PCDH15: variants seen among roughly 807,000 people sequenced by gnomAD.
PCDH15 encodes protocadherin-15.
PCDH15 carries 129 observed loss-of-function variants against 178.5 expected under a neutral mutation model. The ratio of observed to expected loss-of-function variants is 0.72; its 90% CI spans 0.63 to 0.84. The LOEUF is 0.84. Among genes scored for constraint, PCDH15 ranks in the 40% least tolerant of loss-of-function variants. The pLI is 0.00. For synonymous variants in PCDH15, 800 were observed against 732.0 expected, an observed-to-expected ratio of 1.09 and a Z score of -1.50; for missense variants, 2,230 against 2,099.9, an observed-to-expected ratio of 1.06 and a Z score of -1.21.
At chr10:55,066,335 T>C (rs978116553) in intron 2 of PCDH15, among the ~76,000 whole-genome samples, 3 of 151,074 alleles carry the variant, frequency 2.0e-5, no homozygotes, top group Non-Finnish European at 4.4e-5. Flanking sequence ...ACTGTTCTCT[T>C]GGGATTGATT....
At chr10:54,909,457 G>A (rs144822209) in intron 2 of PCDH15, among the ~76,000 whole-genome samples, 12 of 152,258 alleles carry the variant, frequency 7.9e-5, no homozygotes, top group African/African-American at 2.2e-4. Flanking sequence ...GCACTGCCTC[G>A]AGCATGTGCA....
At chr10:55,315,568 T>C (rs903612367) in intron 1 of PCDH15, among the ~76,000 whole-genome samples, 4 of 152,236 alleles carry the variant, frequency 2.6e-5, no homozygotes, top group Admixed American at 6.5e-5. Context: ...GTCTTGGTCA[T>C]ACTTTTTATT....
intron 3 of PCDH15, among the ~76,000 whole-genome samples, chr10:54,382,734 G>A (rs1415240528): frequency 6.6e-6 from 1 of 152,082 alleles, no homozygotes. Context: ...CAGATGAAAT[G>A]GTAGCCCTGA....
intron 1 of PCDH15, among the ~76,000 whole-genome samples, chr10:55,273,941 CAT>C (rs1842517507): frequency 7.0e-6 from 1 of 142,956 alleles, no homozygotes; most frequent in South Asian, 2.2e-4. Flanking sequence ...CACACACACA[CAT>C]AAATACAAGG....
At chr10:54,562,032 C>T (rs1168028675) in intron 2 of PCDH15, among the ~76,000 whole-genome samples, 1 of 132,510 alleles carries the variant, frequency 7.5e-6, no homozygotes, top group Non-Finnish European at 1.5e-5. Context: ...CCTCTATTGC[C>T]CAGGCTGGAA....
intron 20 of PCDH15, among the ~76,000 whole-genome samples, chr10:54,009,536 A>G (rs2092502665): frequency 6.6e-6 from 1 of 152,152 alleles, no homozygotes; most frequent in South Asian, 2.1e-4. Context: ...AACTAGAGGG[A>G]GCTGGTGTGT....
At chr10:55,252,798 T>A (rs915597415) in intron 1 of PCDH15, among the ~76,000 whole-genome samples, 2 of 152,024 alleles carry the variant, frequency 1.3e-5, no homozygotes, top group Non-Finnish European at 2.9e-5. Flanking sequence ...CTCAAAGGAA[T>A]GAACACACAC....
chr10:55,520,047 T>C (rs890329063), intron 2 of PCDH15, among the ~76,000 whole-genome samples: 2 of 145,182 alleles, frequency 1.4e-5, no homozygotes, highest in East Asian at 4.0e-4. Flanking sequence ...TATATATACA[T>C]ATATATATAT....
intron 2 of PCDH15, among the ~76,000 whole-genome samples, chr10:55,083,160 A>T (rs948690660): frequency 3.3e-5 from 5 of 151,760 alleles, no homozygotes; most frequent in African/African-American, 1.2e-4. Context: ...AAAAAAAAAC[A>T]CTAGCAAACA....
intron 1 of PCDH15, among the ~76,000 whole-genome samples, chr10:54,720,359 A>T (rs11004488): frequency 6.6e-6 from 1 of 152,024 alleles, no homozygotes; most frequent in Admixed American, 6.6e-5. Context: ...GCATATAGTC[A>T]TCAGAATTTT....
At chr10:54,251,816 A>G (rs977712275) in intron 8 of PCDH15, among the ~76,000 whole-genome samples, 1 of 152,004 alleles carries the variant, frequency 6.6e-6, no homozygotes, top group Middle Eastern at 3.2e-3. Context: ...TCTTCAGTTT[A>G]ATTATTTCAT....
Position 55,422,528 on chromosome 10 carries a change from G to A in PCDH15, c.-156+205097C>T, listed in dbSNP as rs1442265713. Among the ~76,000 whole-genome samples the A allele has an allele frequency of 9.2e-5, 14 of 151,968 alleles. No individual in the cohort carries two copies. The East Asian group carries it at 2.3e-3, about 25-fold the overall frequency. On this transcript the variant is annotated intron_variant, in intron 2 of 5. Coordinates refer to the PCDH15 transcript ENST00000613346. ...CTGGGATATAAATTGTAGGTTAAAT[G>A]TAATGACCTTCCTCTAACCTGCAGA...
intron 2 of PCDH15, among the ~76,000 whole-genome samples, chr10:55,095,500 A>G (rs1842427599): frequency 6.6e-6 from 1 of 152,008 alleles, no homozygotes; most frequent in Admixed American, 6.6e-5. Context: ...CTCAAATACA[A>G]CTAAAATCTT....
At chr10:55,544,360 T>A (rs1275055606) in intron 2 of PCDH15, among the ~76,000 whole-genome samples, 1 of 151,444 alleles carries the variant, frequency 6.6e-6, no homozygotes, top group African/African-American at 2.4e-5. Context: ...TAACACTGAA[T>A]GAGTACTGGA....
intron 8 of PCDH15, among the ~76,000 whole-genome samples, 169 bp from the exon 9 acceptor site, chr10:54,237,100 G>A (rs915171844): frequency 7.2e-5 from 11 of 152,094 alleles, no homozygotes; most frequent in Admixed American, 5.9e-4. Context: ...TGTTAAGGGG[G>A]AGCAAAGTAT....
intron 1 of PCDH15, among the ~76,000 whole-genome samples, chr10:55,225,498 A>G (rs1265691817): frequency 6.6e-6 from 1 of 152,076 alleles, no homozygotes; most frequent in Non-Finnish European, 1.5e-5. Flanking sequence ...AAAAACCATG[A>G]CATTTTGCTG....
rs146586670 is a variant in PCDH15, at chr10:54,075,630, A to G, written c.2091+3701T>C. 9.3e-3 allele frequency among the ~76,000 whole-genome samples: 1,408 copies of G among 152,102 alleles called. 20 individuals carry two copies. Among genetic ancestry groups the G allele is most frequent in the African/African-American group, 0.033 (1,365 of 41,486 alleles). On this transcript the variant is annotated intron_variant, in intron 17 of 37. Coordinates refer to ENST00000644397, the MANE Select transcript of PCDH15 (RefSeq NM_001384140.1). ...ATGTTTTCTTCTAAGAGTTCTATAG[A>G]CTCAGTTTTCATTTTAGGTCATGAA... is the stretch of plus-strand genomic sequence containing the variant.
At position 55,337,729 on chromosome 10, in the gene PCDH15, T is replaced by C. The variant is rs935719427; in HGVS notation, c.-155-171078A>G. Among the ~76,000 whole-genome samples the C allele has an allele frequency of 2.0e-5, 3 of 152,212 alleles. 1 individual carries two copies. The highest frequency in any genetic ancestry group is 2.1e-4 in the South Asian group (1 of 4,832). Reference sequence around the variant, plus strand: ...GTTGTAGGACATGACCTTTTCAACATTTATCAATGAGATTAGTAAAGATGT... The same window carrying C: ...GTTGTAGGACATGACCTTTTCAACACTTATCAATGAGATTAGTAAAGATGT... On this transcript the variant is annotated intron_variant, in intron 2 of 5. Coordinates refer to the PCDH15 transcript ENST00000613346.
chr10:54,843,870 A>T (rs1311274952), intron 3 of PCDH15, among the ~76,000 whole-genome samples: 3 of 152,022 alleles, frequency 2.0e-5, no homozygotes, highest in African/African-American at 7.2e-5. Flanking sequence ...GGCAATGAAC[A>T]ATTGGACAAA....
Sources: allele counts gnomAD v4.1 joint callset (sites outside exome capture counted in the v4.1 genomes callset), GRCh38; gene constraint gnomAD v4.1.1; transcripts MANE v1.5; gene names NCBI Gene and HGNC (gene_info 2026-07-23, HGNC 2026-07-21).